The following TMEM243 variants were observed in gnomAD, a reference collection of about 807,000 sequenced individuals.
The protein encoded by TMEM243 is transmembrane protein 243.
TMEM243 carries 20 observed loss-of-function variants against 15.0 expected under a neutral mutation model. That is an observed-to-expected ratio of 1.33 (90% CI 0.94 to 1.93). TMEM243 has a LOEUF of 1.93. Among genes scored for constraint, TMEM243 ranks in the 30% most tolerant of loss-of-function variants. TMEM243 has a pLI of 0.00. For synonymous variants in TMEM243, 72 were observed against 52.7 expected, an observed-to-expected ratio of 1.37 and a Z score of -1.59; for missense variants, 156 against 142.1, an observed-to-expected ratio of 1.10 and a Z score of -0.50.
At chr7:87,218,363 G>C (rs1224535649) in intron 1 of TMEM243, among the ~76,000 whole-genome samples, 1 of 152,142 alleles carries the variant, frequency 6.6e-6, no homozygotes, top group Non-Finnish European at 1.5e-5. Context: ...TTTGAGAAGA[G>C]AAAGTAAAAT....
rs1363686326 is a variant in TMEM243, at chr7:87,207,321, C to T, written c.79-8264G>A. Among the ~76,000 whole-genome samples, 2 of 4,294 alleles carry T rather than the reference C, an allele frequency of 4.7e-4. 1 individual carries two copies. Among genetic ancestry groups the T allele is most frequent in the Admixed American group, 2.8e-3 (2 of 726 alleles). 2.8% of individuals were successfully genotyped at this position (4,294 alleles called of 152,430 possible). The stretch of plus-strand genomic sequence containing the variant: ...TGCAGAAAAGCAAAAGCCGGCCGGG[C>T]GCGGTGGCTCACGCTTGTAATCCCA... On this transcript the variant is annotated intron_variant, in intron 1 of 3. Coordinates refer to ENST00000257637, the MANE Select transcript of TMEM243 (RefSeq NM_024315.4).
At chr7:87,211,628 T>A (rs1401104734) in intron 1 of TMEM243, among the ~76,000 whole-genome samples, 3 of 152,166 alleles carry the variant, frequency 2.0e-5, no homozygotes, top group Non-Finnish European at 4.4e-5. Flanking sequence ...GGAAAAAGCA[T>A]AACGAGAGGA....
intron 1 of TMEM243, among the ~76,000 whole-genome samples, chr7:87,215,301 A>T (rs748402671): frequency 6.6e-6 from 1 of 152,036 alleles, no homozygotes; most frequent in Non-Finnish European, 1.5e-5. Context: ...ACAGGATCTC[A>T]TTTTGTTGCT....
At chr7:87,198,594 A>G (rs1392713953) in intron 2 of TMEM243, 1 of 179,716 alleles carries the variant, frequency 5.6e-6, no homozygotes, top group Non-Finnish European at 1.2e-5. Flanking sequence ...AATAGCTCCC[A>G]GATGTATACT....
At chr7:87,202,645 A>G (rs1161303674) in intron 1 of TMEM243, among the ~76,000 whole-genome samples, 1 of 152,238 alleles carries the variant, frequency 6.6e-6, no homozygotes, top group African/African-American at 2.4e-5. Context: ...GTAATGGCAA[A>G]AAATCTCCTA....
rs1562875533 is a variant in TMEM243 at position 87,197,980 on chromosome 7, A to G, written c.195T>C (p.Ala65=). The G allele has an allele frequency of 6.2e-7, 1 of 1,613,182 alleles. No homozygotes were observed. The change falls in exon 3 of 4, where the codon GCT becomes GCC. Residue 65 remains alanine (A), a synonymous_variant. Transcript: ENST00000257637. The stretch of plus-strand genomic sequence containing the variant: ...TAATACTACTCAAAGAGATGCAGAC[A>G]GCAAAGAATATATTCAACGGTTTTG... ...LPPKPLNIFF[A]VCISLSSITA...
intron 1 of TMEM243, among the ~76,000 whole-genome samples, chr7:87,204,782 A>G (rs930476872): frequency 8.5e-5 from 13 of 152,150 alleles, no homozygotes; most frequent in African/African-American, 3.1e-4. Flanking sequence ...AGTTTCGGTG[A>G]ATCTACCATT....
chr7:87,198,905 T>A, intron 2 of TMEM243, 102 bp downstream of exon 2: 1 of 1,065,940 alleles, frequency 9.4e-7, no homozygotes, highest in South Asian at 1.6e-5. Flanking sequence ...GGTAATAAAA[T>A]TAAAAGCACT....
At chr7:87,207,967 C>T (rs576466088) in intron 1 of TMEM243, among the ~76,000 whole-genome samples, 7 of 152,258 alleles carry the variant, frequency 4.6e-5, no homozygotes, top group African/African-American at 9.6e-5. Context: ...TTTACCACCA[C>T]GAGAACAGTA....
At chr7:87,209,787 TGA>T (rs1802579532) in intron 1 of TMEM243, among the ~76,000 whole-genome samples, 1 of 52,722 alleles carries the variant, frequency 1.9e-5, no homozygotes, top group African/African-American at 7.9e-5. Context: ...AGCGAGACAG[TGA>T]GAGCGAGACA....
intron 2 of TMEM243, 29 bp from the exon 3 acceptor site, chr7:87,198,074 T>G: frequency 3.2e-6 from 5 of 1,566,654 alleles, no homozygotes; most frequent in Non-Finnish European, 4.4e-6. Context: ...TGTAAGGCCT[T>G]AACAGTAATT....
intron 1 of TMEM243, among the ~76,000 whole-genome samples, chr7:87,202,643 A>C (rs1389023326): frequency 6.6e-6 from 1 of 152,230 alleles, no homozygotes; most frequent in Non-Finnish European, 1.5e-5. Context: ...AGGTAATGGC[A>C]AAAAATCTCC....
Position 87,198,053 on chromosome 7 carries a change from A to G in TMEM243, c.130-8T>C. The G allele has an allele frequency of 1.2e-6, 2 of 1,609,898 alleles. No individual in the cohort carries two copies. Among genetic ancestry groups the G allele is most frequent in the Non-Finnish European group, 1.7e-6 (2 of 1,177,422 alleles). On this transcript the variant is annotated splice_polypyrimidine_tract_variant and splice_region_variant and intron_variant, in intron 2 of 3. Coordinates refer to ENST00000257637, the MANE Select transcript of TMEM243 (RefSeq NM_024315.4). ...AGCACTTATCAGCGTTACCTGTATGAAGAGAAATTATGTAAGGCCTTAACA... is the reference window on the plus strand; with the variant it reads ...AGCACTTATCAGCGTTACCTGTATGGAGAGAAATTATGTAAGGCCTTAACA...
In TMEM243 at chr7:87,219,550, A is replaced by C; in HGVS notation, c.-47T>G. 1 of 1,565,194 alleles carries C rather than the reference A, an allele frequency of 6.4e-7. No homozygotes were observed. The highest frequency in any genetic ancestry group is 8.8e-7 in the Non-Finnish European group (1 of 1,136,892). Reference sequence around the variant, plus strand: ...CCAAGCCACTTAAAAGCAAGACAGCATGACCTCCCGAGGTCTCAGGTCCAC... The same window carrying C: ...CCAAGCCACTTAAAAGCAAGACAGCCTGACCTCCCGAGGTCTCAGGTCCAC... On this transcript the variant is annotated 5_prime_UTR_variant, in exon 1 of 4. It removes an upstream start codon present in the reference 5' UTR. Coordinates refer to ENST00000257637, the MANE Select transcript of TMEM243 (RefSeq NM_024315.4).
At position 87,196,400 on chromosome 7, in the gene TMEM243, G is replaced by C; in HGVS notation, c.*236C>G. ...TTCATTTCAAAAGTGAAATTTTTTTGTGCTGTTTTAGCTTTAAGGGTTGGA... is the reference window on the plus strand; with the variant it reads ...TTCATTTCAAAAGTGAAATTTTTTTCTGCTGTTTTAGCTTTAAGGGTTGGA... On this transcript the variant is annotated 3_prime_UTR_variant, in exon 4 of 4. Transcript: ENST00000257637. 1 of 359,944 alleles carries C rather than the reference G, an allele frequency of 2.8e-6. No individual in the cohort carries two copies. Among genetic ancestry groups the C allele is most frequent in the South Asian group, 7.2e-5 (1 of 13,960 alleles). 22.3% of individuals were successfully genotyped at this position (359,944 alleles called of 1,614,324 possible).
intron 1 of TMEM243, chr7:87,203,144 A>G (rs575123994): frequency 6.6e-6 from 1 of 152,358 alleles, no homozygotes; most frequent in Admixed American, 6.5e-5. Flanking sequence ...CTTACAAGCG[A>G]CATTGTATTC....
chr7:87,196,756 G>A lies in TMEM243; in HGVS notation c.237C>T (p.Ile79=). Residue 79 remains isoleucine (I), a splice_region_variant and synonymous_variant, in exon 4 of 4, where the codon ATC becomes ATT. Coordinates refer to ENST00000257637, the MANE Select transcript of TMEM243 (RefSeq NM_024315.4). ...CTAAGTCTCCTTGTCGATACCAGTA[G>A]ATCTAAAAGAAGAATTAAAGTTTAT... The part of the protein sequence containing the change: ...SLSSITACIL[I]YWYRQGDLEP... 1 of 1,536,558 alleles carries A rather than the reference G, an allele frequency of 6.5e-7. No homozygotes were observed. The highest frequency in any genetic ancestry group is 1.2e-5 in the South Asian group (1 of 82,912).
intron 1 of TMEM243, among the ~76,000 whole-genome samples, chr7:87,207,876 T>C (rs1449238489): frequency 6.6e-6 from 1 of 152,136 alleles, no homozygotes; most frequent in Non-Finnish European, 1.5e-5. Context: ...ATCCTACCCC[T>C]GGGAAGCTGT....
rs1801757186 is a variant in TMEM243, at chr7:87,200,913, TACACTGTGCTTACCTTTCA to T, written c.79-1875_79-1857del. On this transcript the variant is annotated intron_variant, in intron 1 of 3. Transcript: ENST00000257637. Reference sequence around the variant, plus strand: ...CTCAAAAAGCCTATTAGCAAAGTACTACACTGTGCTTACCTTTCAAGAATGATTTCCTCATGGGTGACTT... The same window carrying T: ...CTCAAAAAGCCTATTAGCAAAGTACTAGAATGATTTCCTCATGGGTGACTT... 5.9e-5 allele frequency among the ~76,000 whole-genome samples: 9 copies of T among 152,240 alleles called. No homozygotes were observed. The South Asian group carries it at 1.9e-3, about 31-fold the overall frequency.
Sources: gnomAD v4.1 joint callset for allele counts (sites outside exome capture counted in the v4.1 genomes callset) on GRCh38, gnomAD v4.1.1 for gene constraint, MANE v1.5 for transcripts, NCBI Gene and HGNC (gene_info 2026-07-23, HGNC 2026-07-21) for gene names.